The following PLA2G4A variants were observed in gnomAD, a reference collection of about 807,000 sequenced individuals.
PLA2G4A encodes the protein cytosolic phospholipase A2.
Under a neutral mutation model 81.9 loss-of-function variants are expected in PLA2G4A, and 40 were observed. That is an observed-to-expected ratio of 0.49 (90% CI 0.38 to 0.64). PLA2G4A has a LOEUF of 0.64. Among genes scored for constraint, PLA2G4A ranks in the 30% least tolerant of loss-of-function variants. The probability of loss-of-function intolerance (pLI) is 0.00; values close to 1 mark genes in which losing one functional copy is unlikely to be tolerated. For missense variants in PLA2G4A, 715 were observed against 905.1 expected (o/e 0.79, Z 2.69); for synonymous variants, 302 against 296.9 (o/e 1.02, Z -0.18).
intron 5 of PLA2G4A, among the ~76,000 whole-genome samples, chr1:186,897,255 G>T (rs181934603): frequency 6.6e-6 from 1 of 152,254 alleles, no homozygotes; most frequent in Admixed American, 6.5e-5. Flanking sequence ...CTTCCAAATG[G>T]AGATGGGCAG....
chr1:186,912,176 T>G (rs1367616674), intron 7 of PLA2G4A, among the ~76,000 whole-genome samples: 1 of 152,188 alleles, frequency 6.6e-6, no homozygotes, highest in Non-Finnish European at 1.5e-5. Context: ...CCAGAAAGAA[T>G]GTTTTTCTAG....
At chr1:186,834,887 A>G (rs892366056) in intron 1 of PLA2G4A, among the ~76,000 whole-genome samples, 2 of 152,162 alleles carry the variant, frequency 1.3e-5, no homozygotes, top group Admixed American at 6.5e-5. Flanking sequence ...CATTTGTATC[A>G]AAATGGTTAC....
intron 7 of PLA2G4A, among the ~76,000 whole-genome samples, chr1:186,923,709 G>T (rs950889535): frequency 6.6e-6 from 1 of 152,190 alleles, no homozygotes; most frequent in African/African-American, 2.4e-5. Flanking sequence ...CATGCCTTGA[G>T]GTATGAGCTT....
At chr1:186,892,728 G>A (rs550303932) in intron 3 of PLA2G4A, among the ~76,000 whole-genome samples, 1 of 152,272 alleles carries the variant, frequency 6.6e-6, no homozygotes, top group African/African-American at 2.4e-5. Context: ...TGACTGAGAT[G>A]TTGACTGCTT....
intron 10 of PLA2G4A, among the ~76,000 whole-genome samples, chr1:186,945,318 G>A (rs945389330): frequency 6.6e-6 from 1 of 152,078 alleles, no homozygotes; most frequent in African/African-American, 2.4e-5. Context: ...GGAGGGATGT[G>A]GTCACATCAC....
At chr1:186,867,993 A>G (rs1039408731) in intron 2 of PLA2G4A, among the ~76,000 whole-genome samples, 2 of 150,744 alleles carry the variant, frequency 1.3e-5, no homozygotes, top group African/African-American at 2.4e-5. Context: ...TGATATATGG[A>G]TTAAATTAAT....
At chr1:186,960,423 C>A (rs572336098) in intron 14 of PLA2G4A, among the ~76,000 whole-genome samples, 2 of 152,136 alleles carry the variant, frequency 1.3e-5, no homozygotes, top group Admixed American at 1.3e-4. Context: ...TTTCCACAAC[C>A]GCATTAATTC....
At chr1:186,849,818 A>G (rs1487597787) in intron 1 of PLA2G4A, among the ~76,000 whole-genome samples, 1 of 152,094 alleles carries the variant, frequency 6.6e-6, no homozygotes, top group African/African-American at 2.4e-5. Context: ...AGGGAAGGGA[A>G]TGTATCTAGC....
chr1:186,947,376 C>T (rs1301962449), intron 12 of PLA2G4A, among the ~76,000 whole-genome samples: 1 of 151,966 alleles, frequency 6.6e-6, no homozygotes, highest in Non-Finnish European at 1.5e-5. Context: ...TATTAACTCA[C>T]CAGAATTCTG....
rs61704569 is a variant in PLA2G4A, at chr1:186,839,965, CTTTTTTTTTTTT to C, written c.-70+10947_-70+10958del. Among the ~76,000 whole-genome samples the C allele has an allele frequency of 1.6e-4, 12 of 75,050 alleles. 1 individual carries two copies. The highest frequency in any genetic ancestry group is 5.9e-4 in the African/African-American group (10 of 16,900). 49.2% of individuals were successfully genotyped at this position (75,050 alleles called of 152,430 possible). Reference sequence around the variant, plus strand: ...ACATGTATTTCAACATAATTGACTTCTTTTTTTTTTTTTTTTTTTTTTTTTTTTGAGATGGAG... The same window carrying C: ...ACATGTATTTCAACATAATTGACTTCTTTTTTTTTTTTTTTTGAGATGGAG... On this transcript the variant is annotated intron_variant, in intron 1 of 17. Transcript: ENST00000367466.
chr1:186,914,172 A>G (rs1321560344), intron 7 of PLA2G4A, among the ~76,000 whole-genome samples: 4 of 152,010 alleles, frequency 2.6e-5, no homozygotes, highest in Non-Finnish European at 5.9e-5. Flanking sequence ...TCACTGCATC[A>G]TCAAACTCCT....
chr1:186,950,708 A>T lies in PLA2G4A; in HGVS notation c.1316A>T (p.Asp439Val). Residue 439 changes from aspartate to valine, a missense_variant, in exon 13 of 18, where the codon GAT (aspartate) becomes GTT (valine). Asp to Val is a radical substitution (Grantham distance 152). Coordinates refer to ENST00000367466, the MANE Select transcript of PLA2G4A (RefSeq NM_024420.3). ...AGTAATGATAGCTCGGACAGTGATGATGAATCACACGAACCCAAAGGTGAG... is the reference window on the plus strand; with the variant it reads ...AGTAATGATAGCTCGGACAGTGATGTTGAATCACACGAACCCAAAGGTGAG... ...IVSNDSSDSD[D>V]ESHEPKGTEN... is the part of the protein sequence containing the mutation. 1 of 1,600,460 alleles carries T rather than the reference A, an allele frequency of 6.2e-7. No homozygotes were observed. The highest frequency in any genetic ancestry group is 1.1e-5 in the South Asian group (1 of 90,788).
intron 6 of PLA2G4A, 142 bp downstream of exon 6, chr1:186,907,144 T>G: frequency 1.6e-6 from 1 of 612,052 alleles, no homozygotes; most frequent in Non-Finnish European, 2.9e-6. Flanking sequence ...TTTCTTTAGT[T>G]GTCTGTTAAT....
intron 3 of PLA2G4A, among the ~76,000 whole-genome samples, chr1:186,883,341 T>C (rs888186224): frequency 7.9e-5 from 12 of 152,100 alleles, no homozygotes; most frequent in Admixed American, 6.6e-4. Context: ...TTATACTTCT[T>C]CCCCCTTGTA....
chr1:186,973,067 G>A (rs1307908607), intron 15 of PLA2G4A, among the ~76,000 whole-genome samples: 1 of 152,208 alleles, frequency 6.6e-6, no homozygotes, highest in African/African-American at 2.4e-5. Flanking sequence ...AGCATTTAAT[G>A]TAGTACTTCC....
chr1:186,954,179 T>C (rs1656661718), intron 13 of PLA2G4A, among the ~76,000 whole-genome samples: 1 of 152,084 alleles, frequency 6.6e-6, no homozygotes, highest in African/African-American at 2.4e-5. Flanking sequence ...TAGCAAAGAC[T>C]TGGAACCAAC....
intron 1 of PLA2G4A, among the ~76,000 whole-genome samples, chr1:186,840,496 C>A (rs1469048418): frequency 6.6e-6 from 1 of 152,136 alleles, no homozygotes; most frequent in Non-Finnish European, 1.5e-5. Flanking sequence ...AGTGGCCGAA[C>A]TTTACAGTAA....
chr1:186,956,165 G>A lies in PLA2G4A; in HGVS notation c.1400G>A (p.Arg467His), dbSNP rs760643719. ...QSDNQASWIHRMIMALVSDSA... is the reference protein window; with the variant it reads ...QSDNQASWIHHMIMALVSDSA... ...GATAATCAAGCAAGTTGGATTCATC[G>A]TATGATAATGGCCTTGGTGAGTGAT... Residue 467 changes from arginine to histidine, a missense_variant, in exon 14 of 18, where the codon CGT (arginine) becomes CAT (histidine). Transcript: ENST00000367466. The A allele has an allele frequency of 1.9e-5, 30 of 1,613,076 alleles. No individual in the cohort carries two copies. In the East Asian group the frequency reaches 2.0e-4, roughly 11 times the overall value.
intron 1 of PLA2G4A, among the ~76,000 whole-genome samples, chr1:186,850,521 A>AC (rs59404363): frequency 1.3e-5 from 2 of 151,524 alleles, no homozygotes; most frequent in African/African-American, 4.8e-5. Context: ...CAAGGTAAGA[A>AC]GTCTTATATA....
Sources: gnomAD v4.1 joint callset for allele counts (sites outside exome capture counted in the v4.1 genomes callset) on GRCh38, gnomAD v4.1.1 for gene constraint, MANE v1.5 for transcripts, NCBI Gene and HGNC (gene_info 2026-07-23, HGNC 2026-07-21) for gene names.